The following SV2B variants were observed in gnomAD, a reference collection of about 807,000 sequenced individuals.
SV2B encodes the protein synaptic vesicle glycoprotein 2B.
SV2B carries 41 observed loss-of-function variants against 73.9 expected under a neutral mutation model. The observed-to-expected ratio is 0.56, with a 90% CI of 0.43 to 0.72. SV2B has a LOEUF of 0.72. Ranked by LOEUF, SV2B falls within the 30% of genes least tolerant of loss-of-function variation. The pLI is 0.00. For missense variants in SV2B, 764 were observed against 857.8 expected, an observed-to-expected ratio of 0.89 and a Z score of 1.37; for synonymous variants, 314 against 314.2, an observed-to-expected ratio of 1.00 and a Z score of 0.01.
chr15:91,138,564 A>T (rs56986708), intron 1 of SV2B, among the ~76,000 whole-genome samples: 18,347 of 152,112 alleles, frequency 0.12, 1,187 homozygotes, highest in African/African-American at 0.14. Context: ...AGATTTTTTT[A>T]AAAAAATGGA....
intron 1 of SV2B, among the ~76,000 whole-genome samples, chr15:91,179,025 C>T (rs2044442312): frequency 2.0e-5 from 3 of 151,648 alleles, no homozygotes; most frequent in Admixed American, 1.3e-4. Flanking sequence ...CTCTTGTGGG[C>T]ATTTAGTGTT....
rs1440709970 is a variant in SV2B, at chr15:91,267,873, G to A, written c.1208+230G>A. Among the ~76,000 whole-genome samples, 3 of 151,550 alleles carry A rather than the reference G, an allele frequency of 2.0e-5. No individual in the cohort carries two copies. Among genetic ancestry groups the A allele is most frequent in the African/African-American group, 7.3e-5 (3 of 41,046 alleles). On this transcript the variant is annotated intron_variant, in intron 8 of 12. Transcript: ENST00000394232. This position sits in a 1 kb window ranked among gnomAD's most constrained non-coding sequence, Gnocchi z 4.3. ...GCTGGAGTTCAGTGGCATGGGCTTG[G>A]CTCACTGCAGCCTGTGCCTCCTGGG...
rs147222782 is a variant in SV2B, at chr15:91,189,325, T to C, written c.-391-36548T>C. On this transcript the variant is annotated intron_variant, in intron 1 of 12. Coordinates refer to ENST00000394232, the MANE Select transcript of SV2B (RefSeq NM_001323032.3). ...TTTCGTAGGCATCCATTCCAACACG[T>C]TTAGTAAGTCCACTTATGTATACTC... is the stretch of plus-strand genomic sequence containing the variant. Among the ~76,000 whole-genome samples, 699 of 152,260 alleles carry C rather than the reference T, an allele frequency of 4.6e-3. 5 individuals carry two copies. The highest frequency in any genetic ancestry group is 0.015 in the African/African-American group (609 of 41,542).
At chr15:91,255,433 G>T (rs536519561) in intron 4 of SV2B, among the ~76,000 whole-genome samples, 1 of 152,148 alleles carries the variant, frequency 6.6e-6, no homozygotes, top group South Asian at 2.1e-4. Flanking sequence ...GGATGCAAAG[G>T]CATAAGAATG....
intron 9 of SV2B, among the ~76,000 whole-genome samples, chr15:91,278,651 C>T (rs1323141313): frequency 1.0e-3 from 80 of 79,902 alleles, no homozygotes; most frequent in African/African-American, 1.7e-3. Context: ...TGCAGTCCGG[C>T]CTGGGCGACA....
chr15:91,134,974 T>C (rs1346857208), intron 1 of SV2B, among the ~76,000 whole-genome samples: 1 of 151,316 alleles, frequency 6.6e-6, no homozygotes, highest in African/African-American at 2.4e-5. Context: ...TTCTGGTCTC[T>C]GTATAACAGT....
At chr15:91,250,388 A>G (rs2047436840) in intron 2 of SV2B, among the ~76,000 whole-genome samples, 1 of 152,200 alleles carries the variant, frequency 6.6e-6, no homozygotes, top group Non-Finnish European at 1.5e-5. Flanking sequence ...TGACAATCAT[A>G]ATCAATAATG....
chr15:91,285,314 T>C (rs879530413), intron 11 of SV2B, among the ~76,000 whole-genome samples: 6 of 152,234 alleles, frequency 3.9e-5, no homozygotes, highest in Admixed American at 2.6e-4. Context: ...GCAGACTTCA[T>C]GCTCTCCTCT....
intron 1 of SV2B, among the ~76,000 whole-genome samples, chr15:91,169,207 C>G (rs11633199): frequency 6.6e-6 from 1 of 151,764 alleles, no homozygotes; most frequent in Non-Finnish European, 1.5e-5. Context: ...GGGACCATGC[C>G]GAGGGTTTTA....
chr15:91,135,042 C>T (rs765212070), intron 1 of SV2B, among the ~76,000 whole-genome samples: 9 of 150,394 alleles, frequency 6.0e-5, no homozygotes, highest in East Asian at 3.9e-4. Flanking sequence ...CTCTGTTACC[C>T]GGGCTGGAGC....
In SV2B at chr15:91,283,862, G is replaced by GAAGAC. The variant is rs1414581697; in HGVS notation, c.1508-158_1508-157insAGACA. Among the ~76,000 whole-genome samples, 4 of 152,210 alleles carry GAAGAC rather than the reference G, an allele frequency of 2.6e-5. No individual in the cohort carries two copies. The highest frequency in any genetic ancestry group is 9.6e-5 in the African/African-American group (4 of 41,464). On this transcript the variant is annotated intron_variant, in intron 10 of 12. Coordinates refer to ENST00000394232, the MANE Select transcript of SV2B (RefSeq NM_001323032.3). This position sits in a 1 kb window ranked among gnomAD's most constrained non-coding sequence, Gnocchi z 4.3. The stretch of plus-strand genomic sequence containing the variant: ...AAGTTTCTCTCCTCATCCATACCTT[G>GAAGAC]ATGACATGGCCACATATTACCTTGA...
intron 1 of SV2B, among the ~76,000 whole-genome samples, chr15:91,113,256 A>G (rs2042086291): frequency 6.6e-6 from 1 of 152,212 alleles, no homozygotes; most frequent in Non-Finnish European, 1.5e-5. Context: ...GGGCGTGGCC[A>G]CGTAACAGTT....
rs911231180 is a variant in SV2B, at chr15:91,178,247, T to C, written c.-391-47626T>C. 3.3e-3 allele frequency among the ~76,000 whole-genome samples: 503 copies of C among 151,592 alleles called. 2 individuals carry two copies. Among genetic ancestry groups the C allele is most frequent in the African/African-American group, 0.011 (436 of 41,220 alleles). Reference sequence around the variant, plus strand: ...TTGCATCCCAGGGATGAAGCCCACTTGATCATGGTGGATAAGCTTTTTGAT... The same window carrying C: ...TTGCATCCCAGGGATGAAGCCCACTCGATCATGGTGGATAAGCTTTTTGAT... On this transcript the variant is annotated intron_variant, in intron 1 of 12. Coordinates refer to ENST00000394232, the MANE Select transcript of SV2B (RefSeq NM_001323032.3).
rs1218182811 is a variant in SV2B at position 91,261,432 on chromosome 15, G to A, written c.1008+1023G>A. On this transcript the variant is annotated intron_variant, in intron 6 of 12. Coordinates refer to ENST00000394232, the MANE Select transcript of SV2B (RefSeq NM_001323032.3). This position sits in a 1 kb window ranked among gnomAD's most constrained non-coding sequence, Gnocchi z 4.7. ...ACAGTAATGTTACAAACATTAACAT[G>A]GTTTTCCTAACATGTCTCTAATGTT... 6.6e-6 allele frequency among the ~76,000 whole-genome samples: 1 copy of A among 152,082 alleles called. No individual in the cohort carries two copies. Among genetic ancestry groups the A allele is most frequent in the African/African-American group, 2.4e-5 (1 of 41,392 alleles).
At chr15:91,146,144 T>G (rs2043140179) in intron 1 of SV2B, among the ~76,000 whole-genome samples, 1 of 152,338 alleles carries the variant, frequency 6.6e-6, no homozygotes, top group Middle Eastern at 3.4e-3. Flanking sequence ...TAATACACCT[T>G]GAGTTAATTT....
chr15:91,121,739 G>A lies in SV2B; in HGVS notation c.-392+21376G>A, dbSNP rs56725913. ...TTTACACCACTCCTTTCCCCTTCGCGCTCACCTCAAGAAACCATCTATTTA... is the reference window on the plus strand; with the variant it reads ...TTTACACCACTCCTTTCCCCTTCGCACTCACCTCAAGAAACCATCTATTTA... On this transcript the variant is annotated intron_variant, in intron 1 of 12. Coordinates refer to ENST00000394232, the MANE Select transcript of SV2B (RefSeq NM_001323032.3). This position sits in a 1 kb window ranked among gnomAD's most constrained non-coding sequence, Gnocchi z 4.4. Among the ~76,000 whole-genome samples, 16,637 of 150,594 alleles carry A rather than the reference G, an allele frequency of 0.11. 1,367 individuals carry two copies. The highest frequency in any genetic ancestry group is 0.24 in the African/African-American group (9,608 of 40,852).
chr15:91,248,449 T>C (rs1485998628), intron 2 of SV2B, among the ~76,000 whole-genome samples: 1 of 152,234 alleles, frequency 6.6e-6, no homozygotes, highest in African/African-American at 2.4e-5. Flanking sequence ...CTTTCATTAT[T>C]TACATTTTTA....
At chr15:91,209,178 G>C (rs546686868) in intron 1 of SV2B, among the ~76,000 whole-genome samples, 1 of 141,848 alleles carries the variant, frequency 7.0e-6, no homozygotes, top group Admixed American at 7.2e-5. Flanking sequence ...CTGGAGTGCA[G>C]TGGCATGATC....
rs967327158 is a variant in SV2B, at chr15:91,136,163, G to T, written c.-392+35800G>T. 7.9e-5 allele frequency among the ~76,000 whole-genome samples: 12 copies of T among 152,364 alleles called. No homozygotes were observed. Among genetic ancestry groups the T allele is most frequent in the African/African-American group, 2.4e-4 (10 of 41,582 alleles). On this transcript the variant is annotated intron_variant, in intron 1 of 12. Coordinates refer to ENST00000394232, the MANE Select transcript of SV2B (RefSeq NM_001323032.3). This position sits in a 1 kb window ranked among gnomAD's most constrained non-coding sequence, Gnocchi z 5.6. Reference sequence around the variant, plus strand: ...GACTCCTAGGGATCTGGGAATCCCAGATTAAATGCCACTGGTCTCTGATAT... The same window carrying T: ...GACTCCTAGGGATCTGGGAATCCCATATTAAATGCCACTGGTCTCTGATAT...
Sources: allele counts gnomAD v4.1 joint callset (sites outside exome capture counted in the v4.1 genomes callset), GRCh38; gene constraint gnomAD v4.1.1; non-coding constraint Gnocchi (gnomAD v3.1); transcripts MANE v1.5; gene names NCBI Gene and HGNC (gene_info 2026-07-23, HGNC 2026-07-21).